SPAG16: variants seen among roughly 807,000 people sequenced by gnomAD.
SPAG16 encodes sperm associated antigen 16, also known as sperm-associated antigen 16 protein.
SPAG16 carries 86 observed loss-of-function variants against 80.4 expected under a neutral mutation model. The observed-to-expected ratio is 1.07, with a 90% CI of 0.90 to 1.28. The LOEUF (loss-of-function observed/expected upper bound fraction) is 1.28. Ranked by LOEUF, SPAG16 falls within the 50% of genes most tolerant of loss-of-function variation. SPAG16 has a pLI of 0.00. For synonymous variants in SPAG16, 294 were observed against 265.9 expected (o/e 1.11, Z -1.03); for missense variants, 870 against 765.3 (o/e 1.14, Z -1.61).
chr2:214,392,754 G>T (rs2126130006), intron 15 of SPAG16, among the ~76,000 whole-genome samples: 1 of 151,604 alleles, frequency 6.6e-6, no homozygotes, highest in South Asian at 2.1e-4. Flanking sequence ...GGAGAAGCAG[G>T]GACCCAAACG....
At chr2:213,650,967 T>A (rs1198350872) in intron 10 of SPAG16, among the ~76,000 whole-genome samples, 2 of 152,158 alleles carry the variant, frequency 1.3e-5, no homozygotes, top group African/African-American at 4.8e-5. Context: ...ATGATTAGAT[T>A]TTGGGTTTGG....
chr2:213,844,651 A>G (rs867443909), intron 10 of SPAG16, among the ~76,000 whole-genome samples: 19 of 152,212 alleles, frequency 1.2e-4, no homozygotes, highest in African/African-American at 4.1e-4. Flanking sequence ...TAGTCAATAA[A>G]TGCTAACTGA....
At position 213,562,471 on chromosome 2, in the gene SPAG16, A is replaced by G. The variant is rs534575343; in HGVS notation, c.1070+72381A>G. Among the ~76,000 whole-genome samples, 31 of 152,344 alleles carry G rather than the reference A, an allele frequency of 2.0e-4. No homozygotes were observed. The South Asian group carries it at 6.4e-3, about 32-fold the overall frequency. On this transcript the variant is annotated intron_variant, in intron 10 of 15. Coordinates refer to ENST00000331683, the MANE Select transcript of SPAG16 (RefSeq NM_024532.5). ...AAGTTTGTTCAGGCTGCCATAACAT[A>G]TCAAAATATCATAAACTGGGTAGCT... is the stretch of plus-strand genomic sequence containing the variant.
At chr2:213,797,734 T>C (rs1159764042) in intron 10 of SPAG16, among the ~76,000 whole-genome samples, 1 of 152,242 alleles carries the variant, frequency 6.6e-6, no homozygotes, top group East Asian at 1.9e-4. Flanking sequence ...TGTTGAGGAA[T>C]TGGGCTTTTC....
intron 10 of SPAG16, among the ~76,000 whole-genome samples, chr2:213,761,861 G>A (rs2068677177): frequency 6.8e-6 from 1 of 147,070 alleles, no homozygotes; most frequent in African/African-American, 2.5e-5. Context: ...GTGAGATTCC[G>A]TGTCAAAAAA....
chr2:213,349,493 G>T (rs756636150), intron 6 of SPAG16, among the ~76,000 whole-genome samples: 1 of 152,112 alleles, frequency 6.6e-6, no homozygotes, highest in Non-Finnish European at 1.5e-5. Context: ...CTGTCATATA[G>T]GGTTGTTGGA....
chr2:213,980,268 TTCTCTATATATATAG>T (rs1559653014), intron 12 of SPAG16, among the ~76,000 whole-genome samples: 175 of 33,676 alleles, frequency 5.2e-3, no homozygotes, highest in East Asian at 0.014. Flanking sequence ...TGTATATATA[TTCTCTATATATATAG>T]AATATATGTG....
intron 15 of SPAG16, among the ~76,000 whole-genome samples, chr2:214,156,740 A>G (rs977256532): frequency 6.6e-6 from 1 of 152,184 alleles, no homozygotes; most frequent in African/African-American, 2.4e-5. Flanking sequence ...GTTGCAGTCA[A>G]CTATAGTCCT....
intron 15 of SPAG16, among the ~76,000 whole-genome samples, chr2:214,381,640 G>A (rs946575833): frequency 3.3e-5 from 5 of 152,212 alleles, no homozygotes; most frequent in Admixed American, 6.5e-5. Context: ...TATGGGTGAA[G>A]CTCAGAGACT....
rs111309353 is a variant in SPAG16, at chr2:213,989,344, A to T, written c.1401-24607A>T. Among the ~76,000 whole-genome samples, 953 of 152,226 alleles carry T rather than the reference A, an allele frequency of 6.3e-3. 7 individuals are homozygous for T. The highest frequency in any genetic ancestry group is 0.022 in the African/African-American group (913 of 41,532). On this transcript the variant is annotated intron_variant, in intron 12 of 15. Coordinates refer to ENST00000331683, the MANE Select transcript of SPAG16 (RefSeq NM_024532.5). ...TATATCCCCATTGTCTGCCATACAGAACATAAAACTAACTCAGTTTGCGGA... is the reference window on the plus strand; with the variant it reads ...TATATCCCCATTGTCTGCCATACAGTACATAAAACTAACTCAGTTTGCGGA...
At chr2:214,401,876 C>T (rs1701728296) in intron 15 of SPAG16, among the ~76,000 whole-genome samples, 1 of 151,766 alleles carries the variant, frequency 6.6e-6, no homozygotes, top group Non-Finnish European at 1.5e-5. Context: ...CGTGTTTAGA[C>T]AGAGTAATAA....
intron 10 of SPAG16, among the ~76,000 whole-genome samples, chr2:213,803,381 G>T (rs2125644515): frequency 6.6e-6 from 1 of 152,252 alleles, no homozygotes; most frequent in South Asian, 2.1e-4. Flanking sequence ...AAGATTTGAT[G>T]TTCTTTATCC....
intron 15 of SPAG16, among the ~76,000 whole-genome samples, chr2:214,306,461 A>C (rs1694922058): frequency 1.3e-5 from 2 of 152,214 alleles, no homozygotes; most frequent in South Asian, 4.1e-4. Flanking sequence ...GCCAATTTTC[A>C]AAAGGAATGC....
At chr2:213,481,406 A>G (rs1355825200) in intron 9 of SPAG16, among the ~76,000 whole-genome samples, 1 of 148,016 alleles carries the variant, frequency 6.8e-6, no homozygotes, top group Non-Finnish European at 1.5e-5. Context: ...TCATCTTTCA[A>G]TTAATTGCTT....
chr2:213,735,307 A>G (rs970209737), intron 10 of SPAG16, among the ~76,000 whole-genome samples: 2 of 152,162 alleles, frequency 1.3e-5, no homozygotes, highest in African/African-American at 4.8e-5. Context: ...AAAGTTCCTC[A>G]ATTTTCTCAA....
chr2:214,163,369 C>T (rs1436676160), intron 15 of SPAG16, among the ~76,000 whole-genome samples: 3 of 151,320 alleles, frequency 2.0e-5, no homozygotes, highest in African/African-American at 7.3e-5. Context: ...TTTTGTTTTT[C>T]TCCCCAATCT....
At chr2:213,489,834 A>G in intron 9 of SPAG16, 129 bp from the exon 10 acceptor site, 1 of 652,670 alleles carries the variant, frequency 1.5e-6, no homozygotes. Flanking sequence ...AAAATTGGAA[A>G]TGAAGGACTT....
At chr2:213,845,220 CAG>C (rs1559516068) in intron 10 of SPAG16, among the ~76,000 whole-genome samples, 14 of 138,906 alleles carry the variant, frequency 1.0e-4, no homozygotes, top group Admixed American at 1.5e-4. Context: ...TTTTTTGAGA[CAG>C]AGTCTCGCTC....
chr2:214,035,953 G>A (rs763133834), intron 13 of SPAG16, among the ~76,000 whole-genome samples: 69 of 152,314 alleles, frequency 4.5e-4, no homozygotes, highest in Non-Finnish European at 4.7e-4. Flanking sequence ...TGCAGTGGCC[G>A]CTGTAGATTA....
Sources: allele counts gnomAD v4.1 joint callset (sites outside exome capture counted in the v4.1 genomes callset), GRCh38; gene constraint gnomAD v4.1.1; transcripts MANE v1.5; gene names NCBI Gene and HGNC (gene_info 2026-07-23, HGNC 2026-07-21).